FIRRM: variants seen among roughly 807,000 people sequenced by gnomAD.
The protein encoded by FIRRM is FIGNL1 interacting regulator of recombination and mitosis.
the FIRRM span, chr1:169,852,768 A>ATTAC: frequency 2.2e-5 from 36 of 1,610,630 alleles, no homozygotes; most frequent in Non-Finnish European, 3.1e-5. Flanking sequence ...ATATTGTGAT[A>ATTAC]TTACTTATGT....
chr1:169,810,548 C>T, the FIRRM span, among the ~76,000 whole-genome samples: 8 of 151,990 alleles, frequency 5.3e-5, no homozygotes, highest in African/African-American at 9.7e-5. Flanking sequence ...GTCTTCACAT[C>T]ATCTTTTTAT....
chr1:169,830,785 A>G, the FIRRM span: 3 of 1,544,986 alleles, frequency 1.9e-6, no homozygotes, highest in Admixed American at 1.7e-5. Context: ...CCCACTTTCT[A>G]TGCACTTCCT....
At chr1:169,809,351 A>G in the FIRRM span, among the ~76,000 whole-genome samples, 16,058 of 152,064 alleles carry the variant, frequency 0.11, 1,023 homozygotes, top group Admixed American at 0.18. Flanking sequence ...TGGGTATCCT[A>G]TATCAATGGC....
the FIRRM span, among the ~76,000 whole-genome samples, chr1:169,807,150 C>T: frequency 1.3e-5 from 2 of 152,190 alleles, no homozygotes; most frequent in Admixed American, 6.5e-5. Flanking sequence ...TCATGCTGCT[C>T]TCCCTACTCT....
At chr1:169,834,895 A>C in the FIRRM span, among the ~76,000 whole-genome samples, 1 of 152,172 alleles carries the variant, frequency 6.6e-6, no homozygotes, top group African/African-American at 2.4e-5. Context: ...ATGAATGCCA[A>C]AACTGAGGCA....
the FIRRM span, among the ~76,000 whole-genome samples, chr1:169,842,887 T>C: frequency 0.016 from 2,377 of 152,302 alleles, 65 homozygotes; most frequent in African/African-American, 0.054. Flanking sequence ...ATAAATCTTT[T>C]GGGCAATGGA....
At chr1:169,795,594 G>T in the FIRRM span, 3 of 1,015,116 alleles carry the variant, frequency 3.0e-6, no homozygotes, top group African/African-American at 1.7e-5. Flanking sequence ...GATAGCTCTG[G>T]CTCTTAATAG....
chr1:169,843,751 T>G, the FIRRM span: 1 of 1,603,034 alleles, frequency 6.2e-7, no homozygotes, highest in African/African-American at 1.3e-5. Context: ...AAACTCTAGA[T>G]CCTAAACTGA....
At chr1:169,851,110 G>A in the FIRRM span, 8 of 100,506 alleles carry the variant, frequency 8.0e-5, no homozygotes, top group Admixed American at 1.3e-4. Flanking sequence ...GCCAAGACCT[G>A]TTTTTACAAT....
chr1:169,829,514 G>C, the FIRRM span: 1 of 1,440,130 alleles, frequency 6.9e-7, no homozygotes, highest in Non-Finnish European at 9.4e-7. Context: ...TTGAAATTGT[G>C]ATTCATATAC....
At chr1:169,791,523 A>C in the FIRRM span, among the ~76,000 whole-genome samples, 1 of 152,168 alleles carries the variant, frequency 6.6e-6, no homozygotes, top group Non-Finnish European at 1.5e-5. Context: ...GTTCAAGGTG[A>C]GAAATGTGAT....
chr1:169,797,841 C>T, the FIRRM span, among the ~76,000 whole-genome samples: 1 of 152,104 alleles, frequency 6.6e-6, no homozygotes, highest in Non-Finnish European at 1.5e-5. Flanking sequence ...CGTGCCCGGC[C>T]GGGTTATTCA....
At chr1:169,829,371 T>G in the FIRRM span, 3 of 1,613,826 alleles carry the variant, frequency 1.9e-6, no homozygotes, top group African/African-American at 4.0e-5. Flanking sequence ...CTGAGGTGGC[T>G]GTCACCTTGT....
chr1:169,852,713 A>C, the FIRRM span: 2 of 1,459,578 alleles, frequency 1.4e-6, no homozygotes, highest in South Asian at 2.4e-5. Context: ...TTTGCATGTA[A>C]GCTTTACTCC....
chr1:169,826,283 G>A, the FIRRM span, among the ~76,000 whole-genome samples: 1 of 151,496 alleles, frequency 6.6e-6, no homozygotes, highest in African/African-American at 2.4e-5. Flanking sequence ...TGTTTGTCAG[G>A]CTGGTCTTGA....
the FIRRM span, chr1:169,842,590 A>G: frequency 4.1e-5 from 66 of 1,593,748 alleles, 2 homozygotes; most frequent in Middle Eastern, 1.8e-4. Flanking sequence ...AAATATCAAA[A>G]AAAGAGGATT....
At chr1:169,793,367 T>G in the FIRRM span, 1 of 1,614,236 alleles carries the variant, frequency 6.2e-7, no homozygotes, top group Non-Finnish European at 8.5e-7. Flanking sequence ...TAACATCTTC[T>G]TTAAATCTTT....
At chr1:169,853,654 T>A in the FIRRM span, 39 of 1,570,156 alleles carry the variant, frequency 2.5e-5, no homozygotes, top group African/African-American at 4.6e-4. Flanking sequence ...GCTTTTGAGG[T>A]ATTGATTTTT....
At chr1:169,849,560 C>T in the FIRRM span, 2 of 1,614,034 alleles carry the variant, frequency 1.2e-6, no homozygotes, top group Non-Finnish European at 8.5e-7. Context: ...CAGGAGTTGG[C>T]TGCTAGAACA....
Sources: allele counts gnomAD v4.1 joint callset (sites outside exome capture counted in the v4.1 genomes callset), GRCh38; gene constraint gnomAD v4.1.1; transcripts MANE v1.5; gene names NCBI Gene and HGNC (gene_info 2026-07-23, HGNC 2026-07-21).